BPI: variants seen among roughly 807,000 people sequenced by gnomAD.
BPI encodes the protein bactericidal permeability-increasing protein.
Under a neutral mutation model 57.6 loss-of-function variants are expected in BPI, and 48 were observed. That is an observed-to-expected ratio of 0.83 (90% CI 0.66 to 1.06). BPI has a LOEUF of 1.06. Among genes scored for constraint, BPI ranks in the 50% least tolerant of loss-of-function variants. BPI has a pLI of 0.00. For synonymous variants in BPI, 237 were observed against 238.2 expected (o/e 0.99, Z 0.05); for missense variants, 651 against 609.7 (o/e 1.07, Z -0.71).
At chr20:38,318,112 C>A in intron 5 of BPI, 1 of 872,338 alleles carries the variant, frequency 1.1e-6, no homozygotes, top group Non-Finnish European at 1.4e-6. Flanking sequence ...AACAAAACAA[C>A]AACAGCAACA....
rs2076602814 is a variant in BPI at position 38,307,578 on chromosome 20, G to A, written c.142G>A (p.Gly48Arg). Residue 48 changes from glycine (G) to arginine (R), a missense_variant, in exon 2 of 15, where the codon GGG becomes AGG. Gly to Arg is a moderately radical substitution (Grantham distance 125). Coordinates refer to ENST00000642449, the MANE Select transcript of BPI (RefSeq NM_001725.3). ...QKGLDYASQQGTAALQKELKR... is the reference protein window; with the variant it reads ...QKGLDYASQQRTAALQKELKR... ...CCTTCTCCCTTCAGCCAGCCAGCAG[G>A]GGACGGCCGCTCTGCAGAAGGAGCT... 8 of 1,604,434 alleles carry A rather than the reference G, an allele frequency of 5.0e-6. No individual in the cohort carries two copies. Among genetic ancestry groups the A allele is most frequent in the African/African-American group, 1.3e-5 (1 of 74,338 alleles).
chr20:38,331,154 T>G (rs1173175717), intron 12 of BPI, 64 bp downstream of exon 12: 12 of 1,551,364 alleles, frequency 7.7e-6, no homozygotes, highest in Non-Finnish European at 1.1e-5. Flanking sequence ...GGGGGACATG[T>G]CATAGGCTCA....
At chr20:38,308,841 G>C in intron 2 of BPI, 89 bp from the exon 3 acceptor site, 1 of 1,515,914 alleles carries the variant, frequency 6.6e-7, no homozygotes, top group Non-Finnish European at 9.0e-7. Flanking sequence ...GGTGGTGGGG[G>C]ACGAGTCTGC....
intron 2 of BPI, among the ~76,000 whole-genome samples, 161 bp downstream of exon 2, chr20:38,307,842 C>T (rs1456363426): frequency 1.3e-5 from 2 of 152,116 alleles, no homozygotes; most frequent in Admixed American, 6.5e-5. Context: ...CCCAGCTGAG[C>T]GTGGAGGAAG....
At chr20:38,307,506 G>C (rs1159738297) in intron 1 of BPI, 61 bp from the exon 2 acceptor site, 1 of 1,262,894 alleles carries the variant, frequency 7.9e-7, no homozygotes, top group Non-Finnish European at 1.1e-6. Context: ...AGCCTGCCCT[G>C]CCCCTCTGTC....
At chr20:38,313,172 G>A (rs1364014014) in intron 5 of BPI, among the ~76,000 whole-genome samples, 3 of 152,106 alleles carry the variant, frequency 2.0e-5, no homozygotes, top group Admixed American at 6.5e-5. Flanking sequence ...ATCAACTGAG[G>A]TTAGGAGTTC....
intron 11 of BPI, among the ~76,000 whole-genome samples, chr20:38,328,759 G>A (rs114957253): frequency 6.9e-4 from 105 of 152,152 alleles, no homozygotes; most frequent in African/African-American, 2.5e-3. Context: ...CACCTTGGGA[G>A]GCCATGGTGG....
Position 38,318,790 on chromosome 20 carries a change from T to G in BPI, c.664+314T>G, listed in dbSNP as rs6127735. On this transcript the variant is annotated intron_variant, in intron 6 of 14. Coordinates refer to ENST00000642449, the MANE Select transcript of BPI (RefSeq NM_001725.3). ...CCTGAGATCTGATATTGGTCACTTC[T>G]TTTTGGATCTCAGTTTCCATGTCCT... Among the ~76,000 whole-genome samples, 1,390 of 152,282 alleles carry G rather than the reference T, an allele frequency of 9.1e-3. 45 individuals are homozygous for G. In the East Asian group the frequency reaches 0.11, roughly 12 times the overall value.
At chr20:38,315,480 C>T (rs1285355976) in intron 5 of BPI, among the ~76,000 whole-genome samples, 4 of 152,142 alleles carry the variant, frequency 2.6e-5, no homozygotes, top group Non-Finnish European at 5.9e-5. Context: ...GCTGGGATCC[C>T]ACCAGGATTT....
intron 11 of BPI, among the ~76,000 whole-genome samples, chr20:38,328,701 AAG>A (rs1008793776): frequency 5.9e-5 from 9 of 152,082 alleles, no homozygotes; most frequent in African/African-American, 1.9e-4. Context: ...GAAATGCAGA[AAG>A]AGAGAAATAC....
chr20:38,323,041 G>A (rs6024866), intron 7 of BPI, among the ~76,000 whole-genome samples: 31,502 of 152,124 alleles, frequency 0.21, 4,722 homozygotes, highest in East Asian at 0.57. Context: ...AGATTTAAGA[G>A]ATCTTACCAT....
chr20:38,327,419 A>T (rs1600711036), intron 10 of BPI, among the ~76,000 whole-genome samples, 169 bp from the exon 11 acceptor site: 2 of 152,204 alleles, frequency 1.3e-5, no homozygotes, highest in African/African-American at 4.8e-5. Flanking sequence ...TTAGGACTCA[A>T]CAGCCACAAA....
chr20:38,304,263 C>T lies in BPI; in HGVS notation c.40C>T (p.Leu14=). Residue 14 remains leucine (L), a synonymous_variant, in exon 1 of 15, where the codon CTG becomes TTG. Coordinates refer to ENST00000642449, the MANE Select transcript of BPI (RefSeq NM_001725.3). ...TTGCAACGCGCCGAGATGGGCGTCC[C>T]TGATGGTGCTGGTCGCCATAGGCAC... ...GPCNAPRWAS[L]MVLVAIGTAV... is the part of the protein sequence containing the mutation. 1.9e-6 allele frequency: 3 copies of T among 1,614,172 alleles called. No homozygotes were observed.
chr20:38,324,172 C>CACT, intron 8 of BPI, 126 bp downstream of exon 8: 1 of 1,195,250 alleles, frequency 8.4e-7, no homozygotes, highest in Non-Finnish European at 1.1e-6. Flanking sequence ...CTAGAGTCAG[C>CACT]TAGAGCTGAG....
At chr20:38,317,936 A>G in intron 5 of BPI, 1 of 985,390 alleles carries the variant, frequency 1.0e-6, no homozygotes, top group African/African-American at 1.7e-5. Flanking sequence ...TTCTCTGGCC[A>G]TACATACCAA....
intron 11 of BPI, among the ~76,000 whole-genome samples, chr20:38,329,062 A>G (rs1321219654): frequency 1.3e-5 from 2 of 152,094 alleles, no homozygotes; most frequent in African/African-American, 4.8e-5. Flanking sequence ...TAAAAGAAAT[A>G]CAGAAAGGGA....
chr20:38,332,198 T>C (rs6127776), intron 12 of BPI, among the ~76,000 whole-genome samples: 37,359 of 152,036 alleles, frequency 0.25, 5,591 homozygotes, highest in Admixed American at 0.33. Flanking sequence ...GGGGAGATTG[T>C]TGTGTTGCAC....
chr20:38,314,895 T>C (rs1352905287), intron 5 of BPI, among the ~76,000 whole-genome samples: 1 of 151,628 alleles, frequency 6.6e-6, no homozygotes, highest in Non-Finnish European at 1.5e-5. Flanking sequence ...AGACTGATGA[T>C]GGTGATGGTG....
At chr20:38,328,229 G>T (rs1233379459) in intron 11 of BPI, among the ~76,000 whole-genome samples, 3 of 152,142 alleles carry the variant, frequency 2.0e-5, no homozygotes, top group African/African-American at 7.2e-5. Context: ...GCACCAAAAC[G>T]CTGCCAACTT....
Sources: allele counts gnomAD v4.1 joint callset (sites outside exome capture counted in the v4.1 genomes callset), GRCh38; gene constraint gnomAD v4.1.1; transcripts MANE v1.5; gene names NCBI Gene and HGNC (gene_info 2026-07-23, HGNC 2026-07-21).